COPS3: variants seen among roughly 807,000 people sequenced by gnomAD.
COPS3 encodes COP9 signalosome complex subunit 3.
COPS3 carries 10 observed loss-of-function variants against 58.2 expected under a neutral mutation model. The ratio of observed to expected loss-of-function variants is 0.17; its 90% CI spans 0.11 to 0.29. The LOEUF (loss-of-function observed/expected upper bound fraction) is 0.29. COPS3 is among the 10% of genes least tolerant of loss of function. COPS3 has a pLI of 1.00. For synonymous variants in COPS3, 187 were observed against 181.7 expected, an observed-to-expected ratio of 1.03 and a Z score of -0.24; for missense variants, 333 against 510.1, an observed-to-expected ratio of 0.65 and a Z score of 3.34.
At position 17,261,969 on chromosome 17, in the gene COPS3, A is replaced by T; in HGVS notation, c.759T>A (p.Ile253=). Residue 253 remains isoleucine, a synonymous_variant, in exon 7 of 12, where the codon ATT becomes ATA. Coordinates refer to ENST00000268717, the MANE Select transcript of COPS3 (RefSeq NM_003653.4). ...CAGTTTTATGTAAAAAACTTACCTT[A>T]ATGAATCTACCCACAATTTGAGATG... ...KYTSQIVGRF[I]KPLSNAYHEL... 6.3e-7 allele frequency: 1 copy of T among 1,578,884 alleles called. No homozygotes were observed. The highest frequency in any genetic ancestry group is 8.6e-7 in the Non-Finnish European group (1 of 1,161,268).
intron 9 of COPS3, among the ~76,000 whole-genome samples, 192 bp downstream of exon 9, chr17:17,254,667 C>T (rs1458100589): frequency 3.3e-5 from 5 of 151,662 alleles, no homozygotes; most frequent in African/African-American, 7.3e-5. Context: ...AAAATTTAGC[C>T]GGGCATGGTG....
rs146987820 is a variant in COPS3, at chr17:17,279,314, T to G, written c.55+1818A>C. Among the ~76,000 whole-genome samples the G allele has an allele frequency of 4.4e-3, 663 of 152,322 alleles. 1 individual carries two copies. The highest frequency in any genetic ancestry group is 0.015 in the African/African-American group (628 of 41,572). ...GACCACAACAGCCCTAGTTCTGTTTTGTAATTAAGAAAATTGGCCCAGGGA... is the reference window on the plus strand; with the variant it reads ...GACCACAACAGCCCTAGTTCTGTTTGGTAATTAAGAAAATTGGCCCAGGGA... On this transcript the variant is annotated intron_variant, in intron 1 of 11. Coordinates refer to ENST00000268717, the MANE Select transcript of COPS3 (RefSeq NM_003653.4).
rs1044736141 is a variant in COPS3 at position 17,250,836 on chromosome 17, A to G, written c.1024-1797T>C. On this transcript the variant is annotated intron_variant, in intron 9 of 11. Transcript: ENST00000268717. Reference sequence around the variant, plus strand: ...AGTGAAACAGTAACCAGCCCAATACATATTATACAAAATGCATAGTTCTCT... The same window carrying G: ...AGTGAAACAGTAACCAGCCCAATACGTATTATACAAAATGCATAGTTCTCT... Among the ~76,000 whole-genome samples, 84 of 152,220 alleles carry G rather than the reference A, an allele frequency of 5.5e-4. 1 individual carries two copies. Among genetic ancestry groups the G allele is most frequent in the Admixed American group, 5.2e-4 (8 of 15,272 alleles).
intron 5 of COPS3, among the ~76,000 whole-genome samples, 154 bp from the exon 6 acceptor site, chr17:17,265,135 G>C (rs2048192314): frequency 6.6e-6 from 1 of 152,136 alleles, no homozygotes; most frequent in African/African-American, 2.4e-5. Context: ...CACATTTCAT[G>C]TATCTGCTAT....
intron 8 of COPS3, among the ~76,000 whole-genome samples, chr17:17,259,262 C>T (rs1363922133): frequency 1.3e-5 from 2 of 152,176 alleles, no homozygotes; most frequent in African/African-American, 4.8e-5. Flanking sequence ...CAGCTGTGAA[C>T]TATGCATATC....
Position 17,260,405 on chromosome 17 carries a change from G to T in COPS3, c.832C>A (p.Leu278Met). ...AAGGTTTCACTGTGCTTATTCACCA[G>T]GTTTCGGAGTTCTGAGGGGTTGTTG... ...STNNPSELRN[L>M]VNKHSETFTR... The change falls in exon 8 of 12, where the codon CTG becomes ATG. Residue 278 changes from leucine to methionine, a missense_variant. Physicochemically the swap from Leu to Met is conservative, Grantham distance 15. Coordinates refer to ENST00000268717, the MANE Select transcript of COPS3 (RefSeq NM_003653.4). 6.2e-7 allele frequency: 1 copy of T among 1,614,168 alleles called. No individual in the cohort carries two copies. The highest frequency in any genetic ancestry group is 2.2e-5 in the East Asian group (1 of 44,892).
chr17:17,268,901 G>A (rs2048287890), intron 4 of COPS3, among the ~76,000 whole-genome samples: 1 of 152,072 alleles, frequency 6.6e-6, no homozygotes, highest in African/African-American at 2.4e-5. Context: ...ATAACTTACA[G>A]CTTTTTCAAA....
intron 4 of COPS3, among the ~76,000 whole-genome samples, chr17:17,270,154 CT>C (rs762568572): frequency 1.1e-4 from 13 of 119,476 alleles, no homozygotes; most frequent in East Asian, 3.2e-4. Context: ...GAGACTCTGT[CT>C]CCAAAAAAAA....
chr17:17,265,775 G>T (rs931672209), intron 5 of COPS3, among the ~76,000 whole-genome samples: 1 of 152,158 alleles, frequency 6.6e-6, no homozygotes, highest in African/African-American at 2.4e-5. Context: ...GAACTCTACA[G>T]ACAAGACTCA....
At chr17:17,272,935 C>T (rs1256598243) in intron 2 of COPS3, among the ~76,000 whole-genome samples, 1 of 152,178 alleles carries the variant, frequency 6.6e-6, no homozygotes, top group African/African-American at 2.4e-5. Flanking sequence ...TCCAAAGCAA[C>T]ATTGCTTAGA....
intron 1 of COPS3, chr17:17,280,758 A>G: frequency 8.0e-7 from 1 of 1,247,960 alleles, no homozygotes; most frequent in Non-Finnish European, 1.0e-6. Flanking sequence ...CAAAGATGAC[A>G]TGGCGGTGCG....
At chr17:17,269,383 C>T (rs1336294157) in intron 4 of COPS3, among the ~76,000 whole-genome samples, 1 of 152,134 alleles carries the variant, frequency 6.6e-6, no homozygotes, top group African/African-American at 2.4e-5. Flanking sequence ...CGAGATTGCG[C>T]CATTGCACTC....
At chr17:17,277,757 A>G (rs1286420878) in intron 1 of COPS3, among the ~76,000 whole-genome samples, 3 of 152,118 alleles carry the variant, frequency 2.0e-5, no homozygotes, top group Admixed American at 1.3e-4. Context: ...TACAGAATCT[A>G]TTAATAATTA....
chr17:17,278,642 A>G (rs557956055), intron 1 of COPS3, among the ~76,000 whole-genome samples: 1 of 152,284 alleles, frequency 6.6e-6, no homozygotes, highest in Non-Finnish European at 1.5e-5. Flanking sequence ...CCATTACTCT[A>G]AATATATTAA....
intron 5 of COPS3, among the ~76,000 whole-genome samples, chr17:17,267,561 C>G (rs2048254726): frequency 6.6e-6 from 1 of 151,074 alleles, no homozygotes; most frequent in Non-Finnish European, 1.5e-5. Context: ...TTGCTTGAAC[C>G]CGGGAGGCAG....
At chr17:17,253,190 C>A (rs989662630) in intron 9 of COPS3, among the ~76,000 whole-genome samples, 1 of 152,160 alleles carries the variant, frequency 6.6e-6, no homozygotes, top group Non-Finnish European at 1.5e-5. Context: ...TACGCCACTG[C>A]ACTCCAGCCT....
intron 2 of COPS3, among the ~76,000 whole-genome samples, chr17:17,275,169 C>A (rs1039956341): frequency 3.3e-5 from 5 of 151,402 alleles, no homozygotes; most frequent in African/African-American, 4.9e-5. Flanking sequence ...TGGCTCACTG[C>A]AACCTCTGCC....
intron 2 of COPS3, among the ~76,000 whole-genome samples, chr17:17,272,773 A>G (rs1163286095): frequency 6.6e-6 from 1 of 152,154 alleles, no homozygotes; most frequent in African/African-American, 2.4e-5. Flanking sequence ...GTAGTGGTAC[A>G]TGCCTATAGT....
chr17:17,264,365 A>G (rs544568470), intron 6 of COPS3, among the ~76,000 whole-genome samples: 1 of 152,210 alleles, frequency 6.6e-6, no homozygotes, highest in Admixed American at 6.6e-5. Flanking sequence ...GGTGGGAGGG[A>G]CTTTTACTGT....
Sources: gnomAD v4.1 joint callset for allele counts (sites outside exome capture counted in the v4.1 genomes callset) on GRCh38, gnomAD v4.1.1 for gene constraint, MANE v1.5 for transcripts, NCBI Gene and HGNC (gene_info 2026-07-23, HGNC 2026-07-21) for gene names.